The following LARP4B variants were observed in gnomAD, a reference collection of about 807,000 sequenced individuals.
The protein encoded by LARP4B is la-related protein 4B.
In LARP4B, 12 loss-of-function variants were observed where a neutral mutation model predicts 89.8. The ratio of observed to expected loss-of-function variants is 0.13; its 90% CI spans 0.09 to 0.22. LARP4B has a LOEUF of 0.22. Ranked by LOEUF, LARP4B falls within the 10% of genes least tolerant of loss-of-function variation. LARP4B has a pLI of 1.00. For synonymous variants in LARP4B, 367 were observed against 363.3 expected (o/e 1.01, Z -0.12); for missense variants, 757 against 947.7 (o/e 0.80, Z 2.64).
At chr10:935,665 C>T (rs979833785), upstream of LARP4B, among the ~76,000 whole-genome samples, 3 of 151,768 alleles carry the variant, frequency 2.0e-5, no homozygotes, top group African/African-American at 7.3e-5. Context: ...TAGCAGAGGC[C>T]TACATTTCAA....
chr10:974,952 A>C, the LARP4B span, among the ~76,000 whole-genome samples: 3 of 152,216 alleles, frequency 2.0e-5, no homozygotes, highest in African/African-American at 7.2e-5. Flanking sequence ...TGGGGGTGGA[A>C]GCCAGGGCAG....
chr10:846,231 C>T (rs1833771255), intron 5 of LARP4B, among the ~76,000 whole-genome samples: 1 of 152,232 alleles, frequency 6.6e-6, no homozygotes, highest in Admixed American at 6.5e-5. Context: ...ACTGCAGGCT[C>T]TGTGAATTCA....
At chr10:807,594 G>C (rs903964053), downstream of LARP4B, 1 of 152,480 alleles carries the variant, frequency 6.6e-6, no homozygotes, top group South Asian at 2.1e-4. Context: ...ACGCCTGCAG[G>C]GAGGCCCAGC....
chr10:976,528 G>A, the LARP4B span, among the ~76,000 whole-genome samples: 1 of 149,180 alleles, frequency 6.7e-6, no homozygotes, highest in Non-Finnish European at 1.5e-5. Flanking sequence ...GTAATGTGCG[G>A]CCCGGCCTAG....
intron 1 of LARP4B, among the ~76,000 whole-genome samples, chr10:899,559 T>C (rs1836277094): frequency 6.6e-6 from 1 of 152,252 alleles, no homozygotes; most frequent in African/African-American, 2.4e-5. Context: ...CTTCTTCCTT[T>C]TGTTAGTAAC....
chr10:932,764 G>A (rs1485397857), upstream of LARP4B, among the ~76,000 whole-genome samples: 4 of 99,508 alleles, frequency 4.0e-5, no homozygotes, highest in East Asian at 1.3e-3. Flanking sequence ...TCCCGGCCCC[G>A]AAGTCCCAAC....
chr10:972,214 G>A, the LARP4B span: 1 of 318,490 alleles, frequency 3.1e-6, no homozygotes. Context: ...TTTTAGTAGA[G>A]ACAGGGTTTT....
chr10:917,925 G>T (rs1160882236), intron 1 of LARP4B, among the ~76,000 whole-genome samples: 3 of 152,158 alleles, frequency 2.0e-5, no homozygotes, highest in Admixed American at 1.3e-4. Flanking sequence ...AATGGGGACT[G>T]GAGAGAGAAA....
At chr10:818,352 T>C (rs1454423722) in intron 14 of LARP4B, 1 of 152,716 alleles carries the variant, frequency 6.5e-6, no homozygotes, top group Non-Finnish European at 1.5e-5. Flanking sequence ...AAACAAAATA[T>C]GACACTCTCT....
the LARP4B span, among the ~76,000 whole-genome samples, chr10:977,133 ATTTAT>A: frequency 6.6e-5 from 10 of 152,110 alleles, no homozygotes; most frequent in Non-Finnish European, 1.5e-4. Flanking sequence ...ATAATGCTGA[ATTTAT>A]TTTATTTATT....
chr10:814,683 G>C lies in LARP4B; in HGVS notation c.1929+59C>G, dbSNP rs1041753355. On this transcript the variant is annotated intron_variant, in intron 17 of 17. Coordinates refer to ENST00000316157, the MANE Select transcript of LARP4B (RefSeq NM_015155.3). The surrounding 1 kb of genome is among the most constrained non-coding windows in gnomAD (Gnocchi z 4.4). Reference sequence around the variant, plus strand: ...ACGAGCAGGTGCAGGAGTGCGCAGCGTCTGTTCACACCAGAGCCTCGCGGC... The same window carrying C: ...ACGAGCAGGTGCAGGAGTGCGCAGCCTCTGTTCACACCAGAGCCTCGCGGC... 6.4e-7 allele frequency: 1 copy of C among 1,555,052 alleles called. No individual in the cohort carries two copies. The highest frequency in any genetic ancestry group is 2.4e-5 in the East Asian group (1 of 41,092).
chr10:914,551 C>T (rs986370736), intron 1 of LARP4B, among the ~76,000 whole-genome samples: 5 of 150,190 alleles, frequency 3.3e-5, no homozygotes, highest in African/African-American at 9.8e-5. Flanking sequence ...AATCCCAGCA[C>T]TTTGGGAGGC....
At chr10:923,494 T>C (rs1054822516) in intron 1 of LARP4B, among the ~76,000 whole-genome samples, 19 of 148,934 alleles carry the variant, frequency 1.3e-4, no homozygotes, top group Non-Finnish European at 1.3e-4. Flanking sequence ...TCCCCCTTTA[T>C]GGACCCAGTA....
At chr10:870,158 G>T (rs1170416389) in intron 3 of LARP4B, 2 of 437,848 alleles carry the variant, frequency 4.6e-6, no homozygotes, top group Non-Finnish European at 6.1e-6. Context: ...ACCTTCTAGA[G>T]CACCTTTTGT....
At chr10:970,183 C>T in the LARP4B span, among the ~76,000 whole-genome samples, 1 of 152,186 alleles carries the variant, frequency 6.6e-6, no homozygotes, top group African/African-American at 2.4e-5. Context: ...CTTATGGATT[C>T]GATGACTATA....
intron 1 of LARP4B, among the ~76,000 whole-genome samples, chr10:899,731 C>CA (rs1034076711): frequency 1.3e-5 from 2 of 152,144 alleles, no homozygotes; most frequent in Non-Finnish European, 2.9e-5. Context: ...TGCTCCTAGA[C>CA]AGACATGTGT....
Position 814,756 on chromosome 10 carries a change from T to C in LARP4B, c.1915A>G (p.Asn639Asp). The change falls in exon 17 of 18, where the codon AAC becomes GAC. Residue 639 changes from asparagine (N) to aspartate (D), a missense_variant. Around this residue, in one of 5 missense-constraint regions of LARP4B, gnomAD observed 387 missense variants for 423.6 expected, o/e 0.91. Transcript: ENST00000316157. This position sits in a 1 kb window ranked among gnomAD's most constrained non-coding sequence, Gnocchi z 4.4. ...GAGGTACGTACCGTGGCGGCTCCGT[T>C]CACCTGCACCGATTTACACGCGGTC... Reference protein sequence around the residue: ...TATACKSVQVNGAATELRKPS... With the variant: ...TATACKSVQVDGAATELRKPS... The C allele has an allele frequency of 6.3e-7, 1 of 1,597,040 alleles. No individual in the cohort carries two copies. The highest frequency in any genetic ancestry group is 8.5e-7 in the Non-Finnish European group (1 of 1,171,450).
intron 1 of LARP4B, among the ~76,000 whole-genome samples, chr10:915,535 T>C (rs1188826296): frequency 1.3e-5 from 2 of 152,184 alleles, no homozygotes; most frequent in African/African-American, 4.8e-5. Context: ...CCGGGTGCAG[T>C]GGCTCACACC....
intron 9 of LARP4B, among the ~76,000 whole-genome samples, chr10:830,582 A>C (rs1027574893): frequency 6.6e-6 from 1 of 152,224 alleles, no homozygotes; most frequent in African/African-American, 2.4e-5. Context: ...ACACTTTGCA[A>C]ATAGTAAAAC....
Sources: allele counts gnomAD v4.1 joint callset (sites outside exome capture counted in the v4.1 genomes callset), GRCh38; gene constraint gnomAD v4.1.1; regional missense constraint gnomAD v4.1.1; non-coding constraint Gnocchi (gnomAD v3.1); transcripts MANE v1.5; gene names NCBI Gene and HGNC (gene_info 2026-07-23, HGNC 2026-07-21).